Variants in FBXL2 observed in about 807,000 individuals in gnomAD.
FBXL2 encodes F-box and leucine rich repeat protein 2, also known as F-box/LRR-repeat protein 2.
In FBXL2, 38 loss-of-function variants were observed where a neutral mutation model predicts 69.2. That is an observed-to-expected ratio of 0.55 (90% CI 0.42 to 0.72). The LOEUF (loss-of-function observed/expected upper bound fraction) is 0.72, where lower values mean the gene tolerates loss of function less well. FBXL2 is among the 30% of genes least tolerant of loss of function. The pLI, the probability that FBXL2 is intolerant of heterozygous loss-of-function variation, is 0.00. For synonymous variants in FBXL2, 192 were observed against 201.3 expected (o/e 0.95, Z 0.39); for missense variants, 354 against 520.3 (o/e 0.68, Z 3.11).
chr3:33,280,713 C>CAAAAAAAAAAAAA (rs34093056), intron 1 of FBXL2, among the ~76,000 whole-genome samples: 80 of 80,970 alleles, frequency 9.9e-4, no homozygotes, highest in East Asian at 1.5e-3. Context: ...GCCCTGTATC[C>CAAAAAAAAAAAAA]AAAAAAAAAA....
chr3:33,387,736 T>C lies in FBXL2; in HGVS notation c.*2128T>C, dbSNP rs889023513. On this transcript the variant is annotated 3_prime_UTR_variant, in exon 15 of 15. Coordinates refer to ENST00000484457, the MANE Select transcript of FBXL2 (RefSeq NM_012157.5). ...ATTGGACTTGATGCTCAATGATCCATGGCCTCATTTACAAAACAGGAGAAC... is the reference window on the plus strand; with the variant it reads ...ATTGGACTTGATGCTCAATGATCCACGGCCTCATTTACAAAACAGGAGAAC... The C allele has an allele frequency of 6.6e-6, 1 of 152,194 alleles. No homozygotes were observed. The highest frequency in any genetic ancestry group is 1.5e-5 in the Non-Finnish European group (1 of 68,060). The allele number at this position is 152,194 out of a possible 1,614,324, so 9.4% of individuals were successfully genotyped here.
At chr3:33,361,606 T>C (rs1575340458) in intron 4 of FBXL2, among the ~76,000 whole-genome samples, 1 of 152,244 alleles carries the variant, frequency 6.6e-6, no homozygotes, top group Non-Finnish European at 1.5e-5. Context: ...AGCTGACTGC[T>C]GACTTTCAGC....
At chr3:33,309,488 A>G (rs148467385) in intron 2 of FBXL2, among the ~76,000 whole-genome samples, 123 of 151,996 alleles carry the variant, frequency 8.1e-4, no homozygotes, top group African/African-American at 2.7e-3. Context: ...CTTTCAGTCT[A>G]TGTGTATTCT....
chr3:33,289,892 G>A, intron 1 of FBXL2: 1 of 580,970 alleles, frequency 1.7e-6, no homozygotes, highest in Non-Finnish European at 2.2e-6. Flanking sequence ...GCCTGGGCGT[G>A]CAACAGGCTG....
rs1377004016 is a variant in FBXL2, at chr3:33,377,265, C to G, written c.789-8C>G. 20 of 1,613,938 alleles carry G rather than the reference C, an allele frequency of 1.2e-5. No homozygotes were observed. The highest frequency in any genetic ancestry group is 1.7e-5 in the Non-Finnish European group (20 of 1,179,936). On this transcript the variant is annotated splice_polypyrimidine_tract_variant and splice_region_variant and intron_variant, in intron 10 of 14. Coordinates refer to ENST00000484457, the MANE Select transcript of FBXL2 (RefSeq NM_012157.5). ...CCGTTTTCTCCCCTGTACCCACTTT[C>G]TCCTCAGAATTTTGGAGGCTGCCCG...
At chr3:33,319,555 C>T (rs1209048423) in intron 2 of FBXL2, among the ~76,000 whole-genome samples, 5 of 152,124 alleles carry the variant, frequency 3.3e-5, no homozygotes, top group Admixed American at 2.6e-4. Context: ...ATATCACAAT[C>T]ATGAAAACTG....
chr3:33,277,344 C>T, upstream of FBXL2: 3 of 540,648 alleles, frequency 5.5e-6, no homozygotes, highest in African/African-American at 2.0e-5. Flanking sequence ...GAGGGGTGGG[C>T]GGTCCAAAGG....
At chr3:33,409,121 CAT>C in the FBXL2 span, 46 of 981,554 alleles carry the variant, frequency 4.7e-5, no homozygotes, top group Middle Eastern at 3.3e-4. Context: ...CAGAGAATAA[CAT>C]GTCAAACTGC....
Position 33,387,308 on chromosome 3 carries a change from A to AAATT in FBXL2, c.*1703_*1706dup, listed in dbSNP as rs1439519046. 3 of 152,240 alleles carry AAATT rather than the reference A, an allele frequency of 2.0e-5. No homozygotes were observed. The highest frequency in any genetic ancestry group is 2.9e-5 in the Non-Finnish European group (2 of 68,048). 9.4% of individuals were successfully genotyped at this position (152,240 alleles called of 1,614,324 possible). Reference sequence around the variant, plus strand: ...GAATTAGTTTAGTTTCTATTAAAAAAAATTAACTTAAGGCTGGCCACGGTG... The same window carrying AAATT: ...GAATTAGTTTAGTTTCTATTAAAAAAAATTAATTAACTTAAGGCTGGCCACGGTG... On this transcript the variant is annotated 3_prime_UTR_variant, in exon 15 of 15. Transcript: ENST00000484457.
downstream of FBXL2, among the ~76,000 whole-genome samples, chr3:33,408,117 G>GT (rs950022490): frequency 4.3e-4 from 64 of 147,550 alleles, no homozygotes; most frequent in Non-Finnish European, 3.8e-4. Context: ...TCCCATCAGA[G>GT]TTTTTTTTTT....
chr3:33,292,614 T>A (rs1356933997), intron 1 of FBXL2, among the ~76,000 whole-genome samples: 2 of 152,086 alleles, frequency 1.3e-5, no homozygotes, highest in South Asian at 2.1e-4. Context: ...GCACTACACA[T>A]CACTACAGAA....
intron 2 of FBXL2, among the ~76,000 whole-genome samples, chr3:33,350,012 T>C (rs1009163131): frequency 6.6e-6 from 1 of 152,126 alleles, no homozygotes; most frequent in African/African-American, 2.4e-5. Flanking sequence ...GTCCGGGAAA[T>C]GGAAGCAGAA....
chr3:33,371,340 T>TC (rs2042293158), intron 5 of FBXL2, among the ~76,000 whole-genome samples: 1 of 151,178 alleles, frequency 6.6e-6, no homozygotes, highest in Non-Finnish European at 1.5e-5. Flanking sequence ...ATTTTTTTTT[T>TC]TTTTTTTTTT....
At chr3:33,375,253 C>T in intron 9 of FBXL2, 35 bp from the exon 10 acceptor site, 2 of 1,601,966 alleles carry the variant, frequency 1.2e-6, no homozygotes, top group Non-Finnish European at 1.7e-6. Context: ...TTGCTGGTGT[C>T]CTCTGACTTT....
At chr3:33,377,819 C>A (rs767270223) in intron 11 of FBXL2, among the ~76,000 whole-genome samples, 3 of 152,186 alleles carry the variant, frequency 2.0e-5, no homozygotes, top group Admixed American at 6.5e-5. Context: ...TAAAATTTAC[C>A]TGCTGATGTC....
chr3:33,314,843 T>G (rs2037531929), intron 2 of FBXL2, among the ~76,000 whole-genome samples: 1 of 152,212 alleles, frequency 6.6e-6, no homozygotes, highest in Non-Finnish European at 1.5e-5. Flanking sequence ...AGAACTTGAA[T>G]TTTATTATTG....
chr3:33,304,583 T>G (rs773631338), intron 2 of FBXL2, among the ~76,000 whole-genome samples: 1 of 152,092 alleles, frequency 6.6e-6, no homozygotes, highest in Non-Finnish European at 1.5e-5. Context: ...GTTTCCAGTG[T>G]TTTATCAGTA....
the FBXL2 span, among the ~76,000 whole-genome samples, chr3:33,418,039 TAAAC>T: frequency 6.6e-6 from 1 of 152,180 alleles, no homozygotes; most frequent in African/African-American, 2.4e-5. Context: ...TTTAAAAAGT[TAAAC>T]TAAGACACAG....
At chr3:33,280,732 AAG>A (rs1488763273) in intron 1 of FBXL2, among the ~76,000 whole-genome samples, 1 of 150,990 alleles carries the variant, frequency 6.6e-6, no homozygotes, top group African/African-American at 2.4e-5. Flanking sequence ...AAAAAAAAAA[AAG>A]AAAAGAAAAA....
Sources: gnomAD v4.1 joint callset for allele counts (sites outside exome capture counted in the v4.1 genomes callset) on GRCh38, gnomAD v4.1.1 for gene constraint, MANE v1.5 for transcripts, NCBI Gene and HGNC (gene_info 2026-07-23, HGNC 2026-07-21) for gene names.